Variants in MTUS2 observed in about 807,000 individuals in gnomAD.
MTUS2 encodes the protein microtubule-associated tumor suppressor candidate 2.
In MTUS2, 40 loss-of-function variants were observed where a neutral mutation model predicts 114.1. That is an observed-to-expected ratio of 0.35 (90% CI 0.27 to 0.46). The LOEUF is 0.46. Among genes scored for constraint, MTUS2 ranks in the 20% least tolerant of loss-of-function variants. The pLI, the probability that MTUS2 is intolerant of heterozygous loss-of-function variation, is 1.00. For synonymous variants in MTUS2, 688 were observed against 672.0 expected, an observed-to-expected ratio of 1.02 and a Z score of -0.37; for missense variants, 1,679 against 1,705.4, an observed-to-expected ratio of 0.98 and a Z score of 0.27.
intron 2 of MTUS2, among the ~76,000 whole-genome samples, chr13:28,898,421 G>A (rs774181359): frequency 1.6e-4 from 24 of 152,206 alleles, no homozygotes; most frequent in Admixed American, 3.9e-4. Flanking sequence ...GTGGGTTGTT[G>A]TTTGGGGCCA....
intron 3 of MTUS2, among the ~76,000 whole-genome samples, chr13:29,033,425 A>C (rs1886917073): frequency 6.6e-6 from 1 of 152,172 alleles, no homozygotes; most frequent in Admixed American, 6.5e-5. Context: ...AGCCCAGTAA[A>C]GATCTAATAT....
At chr13:28,917,806 G>T (rs1208509389) in intron 2 of MTUS2, among the ~76,000 whole-genome samples, 1 of 151,648 alleles carries the variant, frequency 6.6e-6, no homozygotes, top group Admixed American at 6.6e-5. Flanking sequence ...AAGCCATATT[G>T]TTAGGTTGTT....
chr13:28,873,290 T>C (rs1877732652), intron 2 of MTUS2, among the ~76,000 whole-genome samples: 1 of 152,232 alleles, frequency 6.6e-6, no homozygotes, highest in African/African-American at 2.4e-5. Flanking sequence ...TTCTGTTTAC[T>C]CTGTCTGATG....
intron 5 of MTUS2, among the ~76,000 whole-genome samples, chr13:29,119,932 C>T (rs1891237450): frequency 6.6e-6 from 1 of 152,004 alleles, no homozygotes; most frequent in South Asian, 2.1e-4. Context: ...AGAACCTTTA[C>T]AAATCAGTAA....
At position 29,338,999 on chromosome 13, in the gene MTUS2, T is replaced by TG. The variant is rs1901234024; in HGVS notation, c.2905+14293dup. Among the ~76,000 whole-genome samples the TG allele has an allele frequency of 2.0e-5, 3 of 151,760 alleles. No individual in the cohort carries two copies. In the South Asian group the frequency reaches 6.3e-4, roughly 32 times the overall value. On this transcript the variant is annotated intron_variant, in intron 7 of 15. Coordinates refer to ENST00000612955, the MANE Select transcript of MTUS2 (RefSeq NM_001033602.4). ...GCCCTGGTGGGGACAGTGGCTCCTG[T>TG]GGGGGTAAAACAAGGGTCAATAGGA...
chr13:29,096,496 T>C (rs1031787936), intron 4 of MTUS2, among the ~76,000 whole-genome samples: 1 of 152,264 alleles, frequency 6.6e-6, no homozygotes, highest in African/African-American at 2.4e-5. Context: ...TTTTCAGTTA[T>C]TTCCTTGGCT....
intron 2 of MTUS2, among the ~76,000 whole-genome samples, chr13:28,848,948 AGT>A (rs1267218759): frequency 2.0e-5 from 3 of 152,204 alleles, no homozygotes; most frequent in Non-Finnish European, 4.4e-5. Context: ...CCCAAATGCC[AGT>A]AGTGCCAGAG....
intron 2 of MTUS2, among the ~76,000 whole-genome samples, chr13:28,965,605 T>C (rs1478718916): frequency 1.3e-5 from 2 of 152,190 alleles, no homozygotes; most frequent in Non-Finnish European, 2.9e-5. Flanking sequence ...TACACATATA[T>C]ACATATATGT....
chr13:29,081,645 A>G (rs1398367940), intron 4 of MTUS2, among the ~76,000 whole-genome samples: 1 of 151,918 alleles, frequency 6.6e-6, no homozygotes, highest in South Asian at 2.1e-4. Context: ...CACCAACCTA[A>G]TAGATAAGGA....
intron 4 of MTUS2, among the ~76,000 whole-genome samples, chr13:29,092,240 C>G (rs113670017): frequency 6.6e-4 from 100 of 152,334 alleles, no homozygotes; most frequent in African/African-American, 2.4e-3. Context: ...CTGATTGATT[C>G]TAACCCTTCA....
At chr13:28,933,823 T>C (rs1881752425) in intron 2 of MTUS2, among the ~76,000 whole-genome samples, 1 of 152,198 alleles carries the variant, frequency 6.6e-6, no homozygotes, top group South Asian at 2.1e-4. Flanking sequence ...ATTTCCACTC[T>C]CTGTGCTGCC....
intron 9 of MTUS2, among the ~76,000 whole-genome samples, chr13:29,455,824 T>C (rs928275108): frequency 6.6e-6 from 1 of 151,776 alleles, no homozygotes; most frequent in Non-Finnish European, 1.5e-5. Context: ...CTACAAAAAA[T>C]ACAAAAATTA....
Position 29,480,471 on chromosome 13 carries a change from C to T in MTUS2, c.3399+107C>T, listed in dbSNP as rs1881079730. 8.3e-6 allele frequency: 10 copies of T among 1,201,054 alleles called. No homozygotes were observed. The highest frequency in any genetic ancestry group is 1.5e-5 in the African/African-American group (1 of 65,390). 74.4% of individuals were successfully genotyped at this position (1,201,054 alleles called of 1,614,324 possible). On this transcript the variant is annotated intron_variant, in intron 10 of 15. Transcript: ENST00000612955. The surrounding 1 kb of genome is among the most constrained non-coding windows in gnomAD (Gnocchi z 4.4). ...AAGTCCTATTCAGTAGGTGAGCTTT[C>T]TGAACAGTTCACTTTCTGAGTTGCT...
intron 2 of MTUS2, among the ~76,000 whole-genome samples, chr13:28,901,112 C>T (rs1879619324): frequency 6.6e-6 from 1 of 152,056 alleles, no homozygotes; most frequent in African/African-American, 2.4e-5. Flanking sequence ...ATTTGCATTT[C>T]CCAAATGAAG....
At chr13:29,405,503 G>A (rs953958683) in intron 8 of MTUS2, among the ~76,000 whole-genome samples, 2 of 152,142 alleles carry the variant, frequency 1.3e-5, no homozygotes, top group African/African-American at 4.8e-5. Flanking sequence ...ATAAAAGTCA[G>A]CTTCTGAAGT....
rs1892889994 is a variant in MTUS2, at chr13:29,157,018, T to C, written c.2644+56048T>C. Among the ~76,000 whole-genome samples, 5 of 152,350 alleles carry C rather than the reference T, an allele frequency of 3.3e-5. No individual in the cohort carries two copies. In the South Asian group the frequency reaches 1.0e-3, roughly 32 times the overall value. The stretch of plus-strand genomic sequence containing the variant: ...TACCAAAACTCTCTGTATTCTCCTG[T>C]AACTCGTTCAACATTTATAAGATTC... On this transcript the variant is annotated intron_variant, in intron 5 of 15. Transcript: ENST00000612955.
intron 5 of MTUS2, among the ~76,000 whole-genome samples, chr13:29,148,139 G>T (rs79201139): frequency 1.1e-4 from 17 of 150,260 alleles, no homozygotes; most frequent in Middle Eastern, 7.1e-3. Flanking sequence ...CATTCTGAAC[G>T]TTGTGAGATG....
At chr13:29,079,154 G>C (rs1181263900) in intron 4 of MTUS2, among the ~76,000 whole-genome samples, 1 of 152,058 alleles carries the variant, frequency 6.6e-6, no homozygotes. Flanking sequence ...GCATTGATTT[G>C]CACTTTTTCT....
intron 7 of MTUS2, among the ~76,000 whole-genome samples, chr13:29,339,149 T>G (rs9508374): frequency 0.27 from 40,909 of 151,956 alleles, 6,124 homozygotes; most frequent in African/African-American, 0.41. Context: ...GAAGGCCCAA[T>G]ACAGACATTG....
Sources: gnomAD v4.1 joint callset for allele counts (sites outside exome capture counted in the v4.1 genomes callset) on GRCh38, gnomAD v4.1.1 for gene constraint, Gnocchi (gnomAD v3.1) non-coding constraint, MANE v1.5 for transcripts, NCBI Gene and HGNC (gene_info 2026-07-23, HGNC 2026-07-21) for gene names.